Variants in NBN observed in about 807,000 individuals in gnomAD.
The protein encoded by NBN is nibrin.
In NBN, 88 loss-of-function variants were observed where a neutral mutation model predicts 90.8. The ratio of observed to expected loss-of-function variants is 0.97; its 90% CI spans 0.82 to 1.16. NBN has a LOEUF of 1.16. Among genes scored for constraint, NBN ranks in the 50% most tolerant of loss-of-function variants. NBN has a pLI of 0.00. For missense variants in NBN, 894 were observed against 869.6 expected (o/e 1.03, Z -0.35); for synonymous variants, 328 against 295.1 (o/e 1.11, Z -1.14).
At chr8:89,982,607 C>A in intron 2 of NBN, 115 bp downstream of exon 2, 1 of 968,154 alleles carries the variant, frequency 1.0e-6, no homozygotes, top group Non-Finnish European at 1.7e-6. Context: ...AAAAAGTCTA[C>A]ACAGCTCTAT....
chr8:89,947,089 T>G (rs572388620), intron 12 of NBN, among the ~76,000 whole-genome samples: 1 of 152,312 alleles, frequency 6.6e-6, no homozygotes, highest in Admixed American at 6.5e-5. Context: ...GTTCATCTGA[T>G]AGTGACAGAA....
intron 11 of NBN, among the ~76,000 whole-genome samples, chr8:89,951,111 G>A (rs939384104): frequency 2.0e-5 from 3 of 151,976 alleles, no homozygotes; most frequent in Non-Finnish European, 4.4e-5. Flanking sequence ...AGGAGATTGA[G>A]ATCATCCTGG....
At chr8:89,971,460 G>T in intron 5 of NBN, 170 bp from the exon 6 acceptor site, 1 of 418,708 alleles carries the variant, frequency 2.4e-6, no homozygotes, top group Non-Finnish European at 3.2e-6. Flanking sequence ...GCATCTAATC[G>T]CGTTTTCTAG....
chr8:89,948,510 A>C (rs1563517549), intron 11 of NBN, among the ~76,000 whole-genome samples: 1 of 152,220 alleles, frequency 6.6e-6, no homozygotes, highest in African/African-American at 2.4e-5. Context: ...TCACATTAAC[A>C]TGTCTGGATC....
rs876661098 is a variant in NBN at position 89,971,209 on chromosome 8, G to A, written c.666C>T (p.Phe222=). The change falls in exon 6 of 16, where the codon TTC becomes TTT. Residue 222 remains phenylalanine, a synonymous_variant. Transcript: ENST00000265433. The part of the protein sequence containing the change: ...LSGRQERKQI[F]KGKTFIFLNA... ...TCAAAAATATAAATGTTTTCCCTTT[G>A]AAGATTTGTTTTCTTTCCTGCCGTC... 2 of 1,613,044 alleles carry A rather than the reference G, an allele frequency of 1.2e-6. No individual in the cohort carries two copies. The highest frequency in any genetic ancestry group is 3.3e-5 in the Admixed American group (2 of 59,964).
chr8:89,978,396 A>C, intron 4 of NBN, 73 bp from the exon 5 acceptor site: 12 of 1,274,842 alleles, frequency 9.4e-6, no homozygotes, highest in Non-Finnish European at 1.4e-5. Flanking sequence ...TTAAGTTATA[A>C]ACTACAAAGA....
intron 9 of NBN, among the ~76,000 whole-genome samples, chr8:89,958,084 C>G (rs537280906): frequency 6.6e-6 from 1 of 152,214 alleles, no homozygotes; most frequent in Admixed American, 6.5e-5. Flanking sequence ...GAACCTAGAT[C>G]CCTCACATGC....
chr8:89,959,250 G>A (rs935822051), intron 8 of NBN, among the ~76,000 whole-genome samples: 20 of 152,088 alleles, frequency 1.3e-4, no homozygotes, highest in Non-Finnish European at 2.8e-4. Context: ...TTTTCATAAG[G>A]AATACATTAT....
chr8:89,938,598 G>A (rs2130743085), intron 14 of NBN, among the ~76,000 whole-genome samples: 1 of 152,156 alleles, frequency 6.6e-6, no homozygotes, highest in Admixed American at 6.5e-5. Context: ...CAGAAGATAG[G>A]GGAACTCAGA....
rs1189651856 is a variant in NBN, at chr8:89,942,297, T to A, written c.2184+956A>T. Among the ~76,000 whole-genome samples the A allele has an allele frequency of 1.6e-4, 24 of 152,140 alleles. 1 individual carries two copies. Among genetic ancestry groups the A allele is most frequent in the Admixed American group, 1.6e-3 (24 of 15,266 alleles). ...TTCTGGTCCAAATATTAATACATAC[T>A]AACTGTCTGGGTGATTCAAAGAATC... On this transcript the variant is annotated intron_variant, in intron 14 of 15. Transcript: ENST00000265433.
intron 11 of NBN, among the ~76,000 whole-genome samples, chr8:89,948,949 G>A (rs1271992515): frequency 2.0e-5 from 3 of 151,954 alleles, no homozygotes; most frequent in Non-Finnish European, 4.4e-5. Context: ...AGAATCATAC[G>A]ACCTACCTAG....
chr8:89,982,507 A>C, intron 2 of NBN: 1 of 579,396 alleles, frequency 1.7e-6, no homozygotes, highest in Non-Finnish European at 3.1e-6. Context: ...ACAAAGAGTA[A>C]ATTACTGAAA....
In NBN at chr8:89,980,813, T is replaced by C. The variant is rs1586106962; in HGVS notation, c.401A>G (p.Gln134Arg). The C allele has an allele frequency of 1.9e-6, 3 of 1,613,204 alleles. No homozygotes were observed. The highest frequency in any genetic ancestry group is 2.5e-6 in the Non-Finnish European group (3 of 1,179,350). ...ATTGTTTACAGTAAATCCTCCAAGT[T>C]GCAATATAGCTTGATTTAAAGCAGT... is the stretch of plus-strand genomic sequence containing the variant. The part of the protein sequence containing the change: ...GKTALNQAIL[Q>R]LGGFTVNNWT... The change falls in exon 4 of 16, where the codon CAA becomes CGA. Residue 134 changes from glutamine (Q) to arginine (R), a missense_variant. By Grantham distance (43) the Gln-to-Arg change is conservative. Transcript: ENST00000265433.
intron 9 of NBN, among the ~76,000 whole-genome samples, chr8:89,956,447 A>AAAAAC (rs1324159780): frequency 3.3e-5 from 5 of 152,182 alleles, no homozygotes; most frequent in African/African-American, 9.6e-5. Context: ...CCCTTCCATT[A>AAAAAC]AAAACAAAAC....
At chr8:89,961,676 G>A (rs555430202) in intron 8 of NBN, among the ~76,000 whole-genome samples, 20 of 152,288 alleles carry the variant, frequency 1.3e-4, no homozygotes, top group Non-Finnish European at 2.6e-4. Context: ...ATGTAAAAAA[G>A]GCGAGGTCGG....
At chr8:89,951,085 G>T (rs1178086569) in intron 11 of NBN, among the ~76,000 whole-genome samples, 1 of 151,952 alleles carries the variant, frequency 6.6e-6, no homozygotes, top group Non-Finnish European at 1.5e-5. Context: ...GGCCGAAGTG[G>T]GTGGATCACG....
intron 4 of NBN, among the ~76,000 whole-genome samples, chr8:89,978,908 A>C (rs1811909260): frequency 6.6e-6 from 1 of 152,266 alleles, no homozygotes; most frequent in African/African-American, 2.4e-5. Flanking sequence ...AATATGATAC[A>C]TCCAAAAAAT....
chr8:89,952,123 T>G (rs1247233309), intron 11 of NBN, among the ~76,000 whole-genome samples: 1 of 152,112 alleles, frequency 6.6e-6, no homozygotes, highest in Non-Finnish European at 1.5e-5. Flanking sequence ...CCTAGTAAAT[T>G]AATACCATGG....
intron 1 of NBN, chr8:89,984,249 G>A: frequency 1.8e-6 from 1 of 558,002 alleles, no homozygotes; most frequent in Non-Finnish European, 3.2e-6. Context: ...GCGCGGGGGT[G>A]AGGCTGGGAG....
Sources: gnomAD v4.1 joint callset for allele counts (sites outside exome capture counted in the v4.1 genomes callset) on GRCh38, gnomAD v4.1.1 for gene constraint, MANE v1.5 for transcripts, NCBI Gene and HGNC (gene_info 2026-07-23, HGNC 2026-07-21) for gene names.